PARN: variants seen among roughly 807,000 people sequenced by gnomAD.
PARN encodes the protein poly(A)-specific ribonuclease, also known as poly(A)-specific ribonuclease PARN.
Under a neutral mutation model 102.8 loss-of-function variants are expected in PARN, and 71 were observed. That is an observed-to-expected ratio of 0.69 (90% CI 0.57 to 0.84). PARN has a LOEUF of 0.84. PARN is among the 40% of genes least tolerant of loss of function. PARN has a pLI of 0.00. For missense variants in PARN, 782 were observed against 760.9 expected (o/e 1.03, Z -0.33); for synonymous variants, 261 against 252.9 (o/e 1.03, Z -0.30).
chr16:14,529,029 G>A (rs1456265290), intron 21 of PARN, among the ~76,000 whole-genome samples: 1 of 152,072 alleles, frequency 6.6e-6, no homozygotes, highest in Non-Finnish European at 1.5e-5. Flanking sequence ...TGGAAGACTG[G>A]ACACAGATCA....
At chr16:14,612,199 G>C (rs1481235891) in intron 6 of PARN, among the ~76,000 whole-genome samples, 1 of 152,176 alleles carries the variant, frequency 6.6e-6, no homozygotes, top group African/African-American at 2.4e-5. Flanking sequence ...ACCACTTTGA[G>C]AGGCCGAGGC....
intron 12 of PARN, among the ~76,000 whole-genome samples, chr16:14,593,813 A>G (rs926405463): frequency 6.6e-6 from 1 of 152,060 alleles, no homozygotes; most frequent in East Asian, 1.9e-4. Context: ...CCTGGCCAAC[A>G]TGGCGAAATC....
intron 5 of PARN, among the ~76,000 whole-genome samples, chr16:14,623,880 C>A (rs547184506): frequency 1.3e-5 from 2 of 151,760 alleles, no homozygotes; most frequent in South Asian, 4.2e-4. Flanking sequence ...ACTCTACATA[C>A]AGCAGTTATG....
chr16:14,568,922 T>A (rs570554596), intron 18 of PARN, among the ~76,000 whole-genome samples: 13 of 150,880 alleles, frequency 8.6e-5, no homozygotes, highest in Admixed American at 4.0e-4. Flanking sequence ...TTAAATTTTT[T>A]AAAAAAAGTG....
At chr16:14,473,726 A>G (rs1348639896) in intron 22 of PARN, among the ~76,000 whole-genome samples, 1 of 152,190 alleles carries the variant, frequency 6.6e-6, no homozygotes, top group Non-Finnish European at 1.5e-5. Flanking sequence ...ATAAGGGTCA[A>G]AGGGGCCACT....
chr16:14,570,582 G>A (rs564062785), intron 18 of PARN, among the ~76,000 whole-genome samples: 3 of 151,042 alleles, frequency 2.0e-5, no homozygotes, highest in East Asian at 1.9e-4. Flanking sequence ...CCTGGGAGGC[G>A]GAGGTTGCAG....
intron 6 of PARN, among the ~76,000 whole-genome samples, chr16:14,615,536 C>G (rs1424351333): frequency 1.3e-5 from 2 of 152,046 alleles, no homozygotes; most frequent in Non-Finnish European, 2.9e-5. Context: ...TGGCTCAAAA[C>G]AAGTTTGTTT....
intron 23 of PARN, among the ~76,000 whole-genome samples, chr16:14,438,499 T>C (rs1960811198): frequency 6.7e-6 from 1 of 149,052 alleles, no homozygotes; most frequent in African/African-American, 2.5e-5. Context: ...AGTGGTTCCA[T>C]GAAGAGCTAA....
intron 21 of PARN, 31 bp downstream of exon 21, chr16:14,551,990 A>C: frequency 1.3e-6 from 2 of 1,510,338 alleles, no homozygotes; most frequent in Non-Finnish European, 1.8e-6. Flanking sequence ...CACTGTATTT[A>C]ATACACAAAA....
intron 23 of PARN, among the ~76,000 whole-genome samples, chr16:14,446,070 G>T (rs915608990): frequency 6.6e-6 from 1 of 152,250 alleles, no homozygotes; most frequent in Non-Finnish European, 1.5e-5. Flanking sequence ...TACTGTCACT[G>T]TGACTGCTGC....
chr16:14,584,361 T>G lies in PARN; in HGVS notation c.1067A>C (p.Asn356Thr). Residue 356 changes from asparagine (N) to threonine (T), a missense_variant, in exon 16 of 24, where the codon AAC becomes ACC. Asn to Thr is a moderately conservative substitution (Grantham distance 65). Transcript: ENST00000437198. ...AATATTCTTACCAACTTTAGGAGGGTTGAAAGGTGTCTCTTTTAACCGCTT... is the reference window on the plus strand; with the variant it reads ...AATATTCTTACCAACTTTAGGAGGGGTGAAAGGTGTCTCTTTTAACCGCTT... ...LEKRLKETPFNPPKVESAEGF... is the reference protein window; with the variant it reads ...LEKRLKETPFTPPKVESAEGF... 1 of 1,611,194 alleles carries G rather than the reference T, an allele frequency of 6.2e-7. No homozygotes were observed. The highest frequency in any genetic ancestry group is 8.5e-7 in the Non-Finnish European group (1 of 1,177,484).
intron 22 of PARN, among the ~76,000 whole-genome samples, chr16:14,476,712 G>A (rs1331235004): frequency 1.3e-5 from 2 of 151,988 alleles, no homozygotes. Context: ...AAATGAATGG[G>A]CAAGGCTGTG....
chr16:14,628,346 G>A (rs1596936564), intron 2 of PARN, 95 bp from the exon 3 acceptor site: 5 of 698,878 alleles, frequency 7.2e-6, no homozygotes, highest in South Asian at 3.4e-5. Flanking sequence ...GTCGTATCAC[G>A]AATTAAGGTT....
chr16:14,468,292 G>A (rs1464157608), intron 22 of PARN, among the ~76,000 whole-genome samples: 1 of 152,226 alleles, frequency 6.6e-6, no homozygotes, highest in Non-Finnish European at 1.5e-5. Context: ...ATAGAAAAGT[G>A]TGTGTTATGG....
chr16:14,582,300 A>C lies in PARN; in HGVS notation c.1082-9T>G. ...AAAACCTTCGGCACTTTCTAAGAAA[A>C]AAAAGGAAAAAGTTTTCCTCAAAAC... On this transcript the variant is annotated splice_polypyrimidine_tract_variant and intron_variant, in intron 16 of 23. Transcript: ENST00000437198. 1 of 1,587,796 alleles carries C rather than the reference A, an allele frequency of 6.3e-7. No homozygotes were observed. The highest frequency in any genetic ancestry group is 8.7e-7 in the Non-Finnish European group (1 of 1,156,052).
At chr16:14,483,238 T>C (rs1375791490) in intron 21 of PARN, among the ~76,000 whole-genome samples, 1 of 152,212 alleles carries the variant, frequency 6.6e-6, no homozygotes, top group Non-Finnish European at 1.5e-5. Flanking sequence ...TAAAATAAAA[T>C]GACAACAAAA....
chr16:14,522,023 C>T (rs1965761286), intron 21 of PARN, among the ~76,000 whole-genome samples: 1 of 152,176 alleles, frequency 6.6e-6, no homozygotes, highest in African/African-American at 2.4e-5. Context: ...TCTAGGACTG[C>T]AGTAGGCTGT....
intron 18 of PARN, among the ~76,000 whole-genome samples, chr16:14,555,946 AC>A (rs1967657938): frequency 6.6e-6 from 1 of 151,920 alleles, no homozygotes; most frequent in African/African-American, 2.4e-5. Context: ...GCTCACTGCA[AC>A]CTCTACCTCC....
chr16:14,446,478 C>T (rs1196292517), intron 23 of PARN, among the ~76,000 whole-genome samples: 2 of 152,290 alleles, frequency 1.3e-5, no homozygotes, highest in African/African-American at 2.4e-5. Flanking sequence ...AATTCTGCTT[C>T]GGAGAGAAAT....
Sources: allele counts gnomAD v4.1 joint callset (sites outside exome capture counted in the v4.1 genomes callset), GRCh38; gene constraint gnomAD v4.1.1; transcripts MANE v1.5; gene names NCBI Gene and HGNC (gene_info 2026-07-23, HGNC 2026-07-21).